Variants in RIT2 observed in about 807,000 individuals in gnomAD.
The protein encoded by RIT2 is Ras like without CAAX 2.
In RIT2, 24 loss-of-function variants were observed where a neutral mutation model predicts 23.7. The observed-to-expected ratio is 1.01, with a 90% CI of 0.73 to 1.43. RIT2 has a LOEUF of 1.43. Ranked by LOEUF, RIT2 falls within the 40% of genes most tolerant of loss-of-function variation. The probability of loss-of-function intolerance (pLI) is 0.00; values close to 1 mark genes in which losing one functional copy is unlikely to be tolerated. For missense variants in RIT2, 236 were observed against 266.9 expected (o/e 0.88, Z 0.81); for synonymous variants, 107 against 91.1 (o/e 1.17, Z -0.99).
chr18:42,875,807 A>T (rs1907730846), intron 4 of RIT2, among the ~76,000 whole-genome samples: 1 of 151,922 alleles, frequency 6.6e-6, no homozygotes, highest in Admixed American at 6.6e-5. Flanking sequence ...GAAGAGGGTG[A>T]TCTAATCTTT....
chr18:42,950,017 CAT>C (rs1261395577), intron 3 of RIT2, among the ~76,000 whole-genome samples: 1 of 152,084 alleles, frequency 6.6e-6, no homozygotes, highest in Non-Finnish European at 1.5e-5. Context: ...CAAGATATAA[CAT>C]ATTAAATCAT....
At chr18:42,832,899 A>G (rs1199259252) in intron 4 of RIT2, among the ~76,000 whole-genome samples, 1 of 151,828 alleles carries the variant, frequency 6.6e-6, no homozygotes, top group Non-Finnish European at 1.5e-5. Flanking sequence ...TTAAAAATAC[A>G]AAAAAGTAGC....
intron 4 of RIT2, chr18:42,920,878 C>A: frequency 1.4e-6 from 1 of 703,830 alleles, no homozygotes; most frequent in South Asian, 1.8e-5. Context: ...TAGGAATTCT[C>A]AGAGAATTCT....
chr18:43,109,596 C>A (rs1299490436), intron 1 of RIT2, among the ~76,000 whole-genome samples: 1 of 152,150 alleles, frequency 6.6e-6, no homozygotes, highest in Non-Finnish European at 1.5e-5. Context: ...GCTGTGATTT[C>A]TTCTCAACTT....
At chr18:42,808,577 GT>G (rs141896476) in intron 4 of RIT2, among the ~76,000 whole-genome samples, 19,926 of 147,662 alleles carry the variant, frequency 0.13, 1,871 homozygotes, top group African/African-American at 0.28. Flanking sequence ...AAAAGAATTC[GT>G]TTTTTTTTTC....
chr18:42,920,616 TG>T (rs1909030491), intron 4 of RIT2: 2 of 930,070 alleles, frequency 2.2e-6, no homozygotes, highest in Admixed American at 2.3e-5. Context: ...GTTGTCTTTT[TG>T]TTTTTTTTCT....
At chr18:43,101,990 T>C (rs1000338571) in intron 1 of RIT2, among the ~76,000 whole-genome samples, 5 of 152,234 alleles carry the variant, frequency 3.3e-5, no homozygotes, top group Non-Finnish European at 7.3e-5. Context: ...TATGTTTATT[T>C]GCTTTTCATT....
At chr18:42,969,262 C>T (rs1598733763) in intron 3 of RIT2, among the ~76,000 whole-genome samples, 1 of 152,012 alleles carries the variant, frequency 6.6e-6, no homozygotes, top group Non-Finnish European at 1.5e-5. Context: ...ATATCCAAAA[C>T]CATTTATAGA....
At chr18:43,108,939 G>A (rs2068097) in intron 1 of RIT2, among the ~76,000 whole-genome samples, 3 of 152,132 alleles carry the variant, frequency 2.0e-5, no homozygotes, top group South Asian at 2.1e-4. Context: ...GCATGGCCAC[G>A]ATGTGACAAT....
At chr18:42,797,828 A>T (rs1905417922) in intron 4 of RIT2, among the ~76,000 whole-genome samples, 1 of 152,234 alleles carries the variant, frequency 6.6e-6, no homozygotes, top group East Asian at 1.9e-4. Flanking sequence ...AGGCAAATTT[A>T]AATGTTTTAG....
At chr18:43,015,670 T>G (rs952314899) in intron 2 of RIT2, among the ~76,000 whole-genome samples, 2 of 151,748 alleles carry the variant, frequency 1.3e-5, no homozygotes, top group East Asian at 2.0e-4. Context: ...AATACCTAGA[T>G]TTATTGATCA....
chr18:42,776,065 C>T (rs1913665074), intron 4 of RIT2, among the ~76,000 whole-genome samples: 1 of 152,122 alleles, frequency 6.6e-6, no homozygotes, highest in Admixed American at 6.6e-5. Context: ...GCTGCAAGTG[C>T]TCTGGATTTT....
chr18:42,868,763 C>A (rs1944415), intron 4 of RIT2, among the ~76,000 whole-genome samples: 2,163 of 152,282 alleles, frequency 0.014, 64 homozygotes, highest in African/African-American at 0.05. Flanking sequence ...GAATGCCACT[C>A]TTTAATTCAT....
At chr18:43,089,073 C>T (rs1913355722) in intron 1 of RIT2, among the ~76,000 whole-genome samples, 1 of 152,040 alleles carries the variant, frequency 6.6e-6, no homozygotes, top group African/African-American at 2.4e-5. Context: ...TCTCACCACT[C>T]CTATTGAATG....
At chr18:43,028,028 C>A (rs1260221064) in intron 2 of RIT2, among the ~76,000 whole-genome samples, 1 of 151,970 alleles carries the variant, frequency 6.6e-6, no homozygotes, top group Non-Finnish European at 1.5e-5. Flanking sequence ...AAAAAGCAGG[C>A]ATGTTTTCTG....
intron 1 of RIT2, among the ~76,000 whole-genome samples, chr18:43,041,739 T>C (rs1598758473): frequency 6.6e-6 from 1 of 152,222 alleles, no homozygotes; most frequent in East Asian, 1.9e-4. Context: ...ACTATTTCAT[T>C]TTAAAGTTAA....
At chr18:42,829,380 C>T (rs1906393872) in intron 4 of RIT2, among the ~76,000 whole-genome samples, 1 of 152,052 alleles carries the variant, frequency 6.6e-6, no homozygotes, top group African/African-American at 2.4e-5. Flanking sequence ...GTATGACACA[C>T]CAGAAAGTAA....
chr18:42,946,845 G>C (rs1008977109), intron 3 of RIT2, among the ~76,000 whole-genome samples: 29 of 151,942 alleles, frequency 1.9e-4, no homozygotes, highest in Admixed American at 1.7e-3. Context: ...AAATATGAAA[G>C]GTCACTTTCA....
chr18:43,057,241 G>A (rs762398190), intron 1 of RIT2, among the ~76,000 whole-genome samples: 1 of 152,116 alleles, frequency 6.6e-6, no homozygotes, highest in South Asian at 2.1e-4. Flanking sequence ...GTTCTAATCA[G>A]TAGACCTATT....
Sources: allele counts gnomAD v4.1 joint callset (sites outside exome capture counted in the v4.1 genomes callset), GRCh38; gene constraint gnomAD v4.1.1; transcripts MANE v1.5; gene names NCBI Gene and HGNC (gene_info 2026-07-23, HGNC 2026-07-21).